RFX4: variants seen among roughly 807,000 people sequenced by gnomAD.
RFX4 encodes regulatory factor X4, also known as transcription factor RFX4.
In RFX4, 10 loss-of-function variants were observed where a neutral mutation model predicts 95.0. That is an observed-to-expected ratio of 0.11 (90% CI 0.06 to 0.18). The LOEUF (loss-of-function observed/expected upper bound fraction) is 0.18. Ranked by LOEUF, RFX4 falls within the 10% of genes least tolerant of loss-of-function variation. RFX4 has a pLI of 1.00. For synonymous variants in RFX4, 321 were observed against 340.7 expected (o/e 0.94, Z 0.64); for missense variants, 640 against 922.0 (o/e 0.69, Z 3.96).
intron 4 of RFX4, among the ~76,000 whole-genome samples, chr12:106,661,875 G>A (rs1450154863): frequency 6.6e-6 from 1 of 152,054 alleles, no homozygotes; most frequent in Non-Finnish European, 1.5e-5. Flanking sequence ...TTTCCTCCAT[G>A]TCTTTTGTGG....
chr12:106,726,246 TA>T (rs550366505), intron 13 of RFX4, among the ~76,000 whole-genome samples: 2,416 of 107,922 alleles, frequency 0.022, 50 homozygotes, highest in African/African-American at 0.068. Context: ...AGACTCCATC[TA>T]AAAAAAAAAA....
At position 106,654,308 on chromosome 12, in the gene RFX4, A is replaced by G; in HGVS notation, c.272A>G (p.Glu91Gly). The change falls in exon 4 of 18, where the codon GAG becomes GGG. Residue 91 changes from glutamate (E) to glycine (G), a missense_variant. Physicochemically the swap from Glu to Gly is moderately conservative, Grantham distance 98. Transcript: ENST00000392842. ...TATATGCATTACCTGGATTTCTGCG[A>G]GAAGAATGATACCCAACCTGTCAAT... ...ALYMHYLDFC[E>G]KNDTQPVNAA... 1 of 1,614,118 alleles carries G rather than the reference A, an allele frequency of 6.2e-7. No individual in the cohort carries two copies. The highest frequency in any genetic ancestry group is 8.5e-7 in the Non-Finnish European group (1 of 1,179,982).
At chr12:106,599,459 C>T (rs930043404) in intron 1 of RFX4, among the ~76,000 whole-genome samples, 4 of 149,796 alleles carry the variant, frequency 2.7e-5, no homozygotes, top group African/African-American at 1.0e-4. Flanking sequence ...TGATCTTGGG[C>T]AAGTCATCGC....
intron 4 of RFX4, among the ~76,000 whole-genome samples, chr12:106,675,203 G>C (rs1316350775): frequency 6.6e-6 from 1 of 152,260 alleles, no homozygotes; most frequent in South Asian, 2.1e-4. Flanking sequence ...GGCAGAGGTG[G>C]GTGGATCACT....
chr12:106,696,139 C>A, intron 7 of RFX4, 144 bp from the exon 8 acceptor site: 1 of 912,410 alleles, frequency 1.1e-6, no homozygotes, highest in Non-Finnish European at 1.7e-6. Flanking sequence ...CCTCCTACAA[C>A]ATGGCAGGCT....
chr12:106,689,337 C>T lies in RFX4; in HGVS notation c.642C>T (p.Asp214=). 6.2e-7 allele frequency: 1 copy of T among 1,613,868 alleles called. No homozygotes were observed. Among genetic ancestry groups the T allele is most frequent in the Non-Finnish European group, 8.5e-7 (1 of 1,179,714 alleles). Residue 214 remains aspartate, a synonymous_variant, in exon 7 of 18, where the codon GAC becomes GAT. Coordinates refer to ENST00000392842, the MANE Select transcript of RFX4 (RefSeq NM_213594.3). ...MYRTHCQRIL[D]TVIRANFDEV... Reference sequence around the variant, plus strand: ...GAACACACTGTCAGAGAATACTGGACACTGTAATAAGAGCCAACTTTGATG... The same window carrying T: ...GAACACACTGTCAGAGAATACTGGATACTGTAATAAGAGCCAACTTTGATG...
chr12:106,759,929 G>A (rs1168059213), intron 17 of RFX4, among the ~76,000 whole-genome samples: 2 of 152,082 alleles, frequency 1.3e-5, no homozygotes, highest in African/African-American at 4.8e-5. Flanking sequence ...CGGCCTAAGC[G>A]CCTTCCCCAG....
At chr12:106,761,060 G>A in intron 17 of RFX4, 137 bp from the exon 18 acceptor site, 1 of 959,204 alleles carries the variant, frequency 1.0e-6, no homozygotes, top group Non-Finnish European at 1.6e-6. Context: ...TCTTGTAGAA[G>A]TTCAGTGATT....
rs536208298 is a variant in RFX4, at chr12:106,615,896, G to A, written c.130+7013G>A. Among the ~76,000 whole-genome samples, 26 of 152,224 alleles carry A rather than the reference G, an allele frequency of 1.7e-4. No individual in the cohort carries two copies. The South Asian group carries it at 5.4e-3, about 32-fold the overall frequency. On this transcript the variant is annotated intron_variant, in intron 2 of 17. Coordinates refer to ENST00000392842, the MANE Select transcript of RFX4 (RefSeq NM_213594.3). ...TTGAACATTCTATGAACATCATCAT[G>A]TCACCTGAGAATAATGACAGCTTTG...
At chr12:106,718,937 C>T (rs1034877739) in intron 11 of RFX4, among the ~76,000 whole-genome samples, 123 of 148,302 alleles carry the variant, frequency 8.3e-4, no homozygotes, top group Non-Finnish European at 1.4e-3. Flanking sequence ...AGTGAAACCC[C>T]GTCTGTACTA....
intron 4 of RFX4, among the ~76,000 whole-genome samples, chr12:106,666,472 C>T (rs985852414): frequency 1.3e-5 from 2 of 151,994 alleles, no homozygotes; most frequent in Non-Finnish European, 2.9e-5. Flanking sequence ...TGAGGAAATT[C>T]TCAGTCATTT....
chr12:106,715,510 C>T lies in RFX4; in HGVS notation c.1104C>T (p.Asp368=), dbSNP rs779057187. ...ITKQTLYTME[D]SRDEHRKLIT... is the part of the protein sequence containing the mutation. Reference sequence around the variant, plus strand: ...AGCAAACCCTTTACACCATGGAAGACTCTCGCGATGAGCACCGGAAACTCA... The same window carrying T: ...AGCAAACCCTTTACACCATGGAAGATTCTCGCGATGAGCACCGGAAACTCA... Residue 368 remains aspartate (D), a synonymous_variant, in exon 11 of 18, where the codon GAC becomes GAT. Transcript: ENST00000392842. The T allele has an allele frequency of 3.1e-6, 5 of 1,614,184 alleles. No homozygotes were observed. The highest frequency in any genetic ancestry group is 3.3e-5 in the Admixed American group (2 of 60,026).
chr12:106,598,464 A>C (rs1358987508), intron 1 of RFX4, among the ~76,000 whole-genome samples: 1 of 152,186 alleles, frequency 6.6e-6, no homozygotes, highest in Non-Finnish European at 1.5e-5. Context: ...CTTGCGACCA[A>C]CACACACAAA....
intron 1 of RFX4, among the ~76,000 whole-genome samples, chr12:106,596,972 G>A (rs929587425): frequency 6.6e-6 from 1 of 152,198 alleles, no homozygotes; most frequent in Non-Finnish European, 1.5e-5. Context: ...AAACTTGTTT[G>A]TGCCTGATAA....
intron 6 of RFX4, among the ~76,000 whole-genome samples, chr12:106,687,392 A>G (rs1238093967): frequency 1.3e-5 from 2 of 151,946 alleles, no homozygotes; most frequent in Non-Finnish European, 2.9e-5. Flanking sequence ...GTCTCTACTA[A>G]AAATACAAAA....
intron 1 of RFX4, among the ~76,000 whole-genome samples, chr12:106,596,132 C>T (rs1293853128): frequency 6.6e-6 from 1 of 152,174 alleles, no homozygotes; most frequent in African/African-American, 2.4e-5. Context: ...TCTGTGTGCC[C>T]ACCCAAATCT....
chr12:106,598,926 C>T (rs111858710), intron 1 of RFX4, among the ~76,000 whole-genome samples: 2,219 of 152,278 alleles, frequency 0.015, 31 homozygotes, highest in Middle Eastern at 0.048. Context: ...GTACACCCTT[C>T]CCCAGAAGTT....
At chr12:106,701,331 G>A (rs2041985658) in intron 8 of RFX4, among the ~76,000 whole-genome samples, 1 of 152,086 alleles carries the variant, frequency 6.6e-6, no homozygotes, top group African/African-American at 2.4e-5. Context: ...GTTTTCAGCT[G>A]TTCGACCATG....
chr12:106,584,920 G>A (rs537131461), intron 1 of RFX4, among the ~76,000 whole-genome samples: 2 of 152,300 alleles, frequency 1.3e-5, no homozygotes, highest in African/African-American at 4.8e-5. Context: ...GAGAAGCGTC[G>A]CCTGCCCTGC....
Sources: allele counts gnomAD v4.1 joint callset (sites outside exome capture counted in the v4.1 genomes callset), GRCh38; gene constraint gnomAD v4.1.1; transcripts MANE v1.5; gene names NCBI Gene and HGNC (gene_info 2026-07-23, HGNC 2026-07-21).